SAFB: variants seen among roughly 807,000 people sequenced by gnomAD.
SAFB encodes the protein scaffold attachment factor B, also known as scaffold attachment factor B1.
SAFB carries 15 observed loss-of-function variants against 101.6 expected under a neutral mutation model. The observed-to-expected ratio is 0.15, with a 90% CI of 0.10 to 0.23. SAFB has a LOEUF of 0.23. SAFB is among the 10% of genes least tolerant of loss of function. The pLI is 1.00. For missense variants in SAFB, 930 were observed against 1,104.1 expected (o/e 0.84, Z 2.23); for synonymous variants, 449 against 407.5 (o/e 1.10, Z -1.23).
chr19:5,639,221 G>A (rs555840092), intron 2 of SAFB, among the ~76,000 whole-genome samples: 9 of 152,260 alleles, frequency 5.9e-5, no homozygotes, highest in African/African-American at 2.2e-4. Context: ...GTTTCCAAAT[G>A]GGACAACTAT....
chr19:5,659,666 C>G (rs919112405), intron 14 of SAFB, among the ~76,000 whole-genome samples: 57 of 151,958 alleles, frequency 3.8e-4, no homozygotes, highest in African/African-American at 1.4e-3. Context: ...CAGGCGTGAG[C>G]CACTGCGCCC....
At chr19:5,641,175 TTTTTC>T (rs1599339794) in intron 2 of SAFB, among the ~76,000 whole-genome samples, 5 of 152,140 alleles carry the variant, frequency 3.3e-5, no homozygotes. Context: ...CGGCCCTTCT[TTTTTC>T]TTTTTAAGCA....
At position 5,641,779 on chromosome 19, in the gene SAFB, G is replaced by A. The variant is rs773063351; in HGVS notation, c.379G>A (p.Asp127Asn). The A allele has an allele frequency of 3.7e-6, 6 of 1,614,038 alleles. No homozygotes were observed. Among genetic ancestry groups the A allele is most frequent in the Non-Finnish European group, 4.2e-6 (5 of 1,180,020 alleles). ...ETSLENLQDI[D>N]IMDISVLDEA... ...CAGTCTGGAGAACTTGCAGGACATC[G>A]ACATCATGGATATCAGTGTGTTGGA... Residue 127 changes from aspartate to asparagine, a missense_variant, in exon 4 of 21, where the codon GAC (aspartate) becomes AAC (asparagine). Asp to Asn is a conservative substitution (Grantham distance 23). Around this residue, in one of 7 missense-constraint regions of SAFB, gnomAD observed 119 missense variants for 171.4 expected, o/e 0.69. Transcript: ENST00000588852.
At chr19:5,661,891 T>A (rs2054216050) in intron 15 of SAFB, 83 bp downstream of exon 15, 18 of 1,082,218 alleles carry the variant, frequency 1.7e-5, no homozygotes, top group Middle Eastern at 4.2e-4. Context: ...TGAGATTTTT[T>A]TTTTTTTTTT....
chr19:5,649,991 G>T lies in SAFB; in HGVS notation c.1198+16G>T, dbSNP rs376208567. ...GAGGAAAAGGGTAGGTCACCTCGGC[G>T]ACACCAGTCCCTTGGAGCATGTATG... On this transcript the variant is annotated intron_variant, in intron 8 of 20. Coordinates refer to ENST00000588852, the MANE Select transcript of SAFB (RefSeq NM_001201338.2). The T allele has an allele frequency of 7.5e-6, 12 of 1,607,226 alleles. No homozygotes were observed. The highest frequency in any genetic ancestry group is 2.7e-5 in the African/African-American group (2 of 74,740).
intron 1 of SAFB, among the ~76,000 whole-genome samples, chr19:5,625,834 T>TCGGATGAGGTA (rs2053346000): frequency 6.6e-6 from 1 of 152,004 alleles, no homozygotes; most frequent in Non-Finnish European, 1.5e-5. Context: ...ATGATGGGGA[T>TCGGATGAGGTA]CGGATGAGGT....
chr19:5,668,004 G>C, intron 20 of SAFB, 118 bp downstream of exon 20: 6 of 1,418,798 alleles, frequency 4.2e-6, no homozygotes, highest in Non-Finnish European at 5.7e-6. Context: ...GTGACGTGAG[G>C]CCAGGCATGG....
In SAFB at chr19:5,641,646, T is replaced by C; in HGVS notation, c.327T>C (p.Ser109=). 2 of 1,613,934 alleles carry C rather than the reference T, an allele frequency of 1.2e-6. No individual in the cohort carries two copies. Among genetic ancestry groups the C allele is most frequent in the East Asian group, 2.2e-5 (1 of 44,870 alleles). Reference sequence around the variant, plus strand: ...AAGATAACGGGCTGGAGGAAAACTCTGGGGATGGACAGGTATGTGCAGCCT... The same window carrying C: ...AAGATAACGGGCTGGAGGAAAACTCCGGGGATGGACAGGTATGTGCAGCCT... The part of the protein sequence containing the change: ...GVEDNGLEEN[S]GDGQEDVETS... Residue 109 remains serine, a synonymous_variant, in exon 3 of 21, where the codon TCT becomes TCC. Transcript: ENST00000588852.
Position 5,668,272 on chromosome 19 carries a change from G to T in SAFB, c.2735G>T (p.Arg912Leu). ...CGGGGGAGCAGGCCCAGCGATGCCC[G>T]CTTCACTCGCCGCTACTGAGTACTT... ...QSRGSRPSDARFTRRY is the reference protein window; with the variant it reads ...QSRGSRPSDALFTRRY The change falls in exon 21 of 21, where the codon CGC (arginine) becomes CTC (leucine). Residue 912 changes from arginine (R) to leucine (L), a missense_variant. Around this residue, in one of 7 missense-constraint regions of SAFB, gnomAD observed 318 missense variants for 342.6 expected, o/e 0.93. Coordinates refer to ENST00000588852, the MANE Select transcript of SAFB (RefSeq NM_001201338.2). The T allele has an allele frequency of 6.2e-7, 1 of 1,611,834 alleles. No individual in the cohort carries two copies. The highest frequency in any genetic ancestry group is 8.5e-7 in the Non-Finnish European group (1 of 1,179,570).
In SAFB at chr19:5,667,260, G is replaced by A. The variant is rs982612554; in HGVS notation, c.2454-87G>A. ...GTGGGCACAGGGTGGGAAACACAGA[G>A]GGATTCACTCTCCAGAAGCCGCCAC... On this transcript the variant is annotated intron_variant, in intron 18 of 20. Transcript: ENST00000588852. The surrounding 1 kb of genome is among the most constrained non-coding windows in gnomAD (Gnocchi z 4.0). 1.6e-3 allele frequency: 2,008 copies of A among 1,263,104 alleles called. 5 individuals carry two copies. Among genetic ancestry groups the A allele is most frequent in the Non-Finnish European group, 2.1e-3 (1,939 of 921,008 alleles). 78.2% of individuals were successfully genotyped at this position (1,263,104 alleles called of 1,614,324 possible).
At position 5,664,093 on chromosome 19, in the gene SAFB, G is replaced by A. The variant is rs138286283; in HGVS notation, c.2225G>A (p.Arg742His). 24 of 1,613,874 alleles carry A rather than the reference G, an allele frequency of 1.5e-5. No homozygotes were observed. The highest frequency in any genetic ancestry group is 4.0e-5 in the African/African-American group (3 of 74,928). The change falls in exon 16 of 21, where the codon CGC becomes CAC. Residue 742 changes from arginine to histidine, a missense_variant. By Grantham distance (29) the Arg-to-His change is conservative. Around this residue, in one of 7 missense-constraint regions of SAFB, gnomAD observed 318 missense variants for 342.6 expected, o/e 0.93. Coordinates refer to ENST00000588852, the MANE Select transcript of SAFB (RefSeq NM_001201338.2). ...GAGCGCTACCATTCTGACTTTAACC[G>A]CCAGGACCGCTTCCACGACTTTGAC... Reference protein sequence around the residue: ...LDERYHSDFNRQDRFHDFDHR... With the variant: ...LDERYHSDFNHQDRFHDFDHR...
At chr19:5,637,396 G>C (rs1280027375) in intron 2 of SAFB, among the ~76,000 whole-genome samples, 1 of 151,202 alleles carries the variant, frequency 6.6e-6, no homozygotes, top group African/African-American at 2.4e-5. Flanking sequence ...ACTCGTGCCT[G>C]TAATCCCAGC....
intron 2 of SAFB, among the ~76,000 whole-genome samples, chr19:5,628,203 A>G (rs1483630612): frequency 6.6e-6 from 1 of 152,116 alleles, no homozygotes; most frequent in Non-Finnish European, 1.5e-5. Context: ...CTGAGCCCAG[A>G]TCGCACCACT....
chr19:5,630,091 T>C (rs1351878565), intron 2 of SAFB, among the ~76,000 whole-genome samples: 3 of 152,198 alleles, frequency 2.0e-5, no homozygotes, highest in Non-Finnish European at 4.4e-5. Flanking sequence ...CTACCAACAA[T>C]GGGTGACGGT....
chr19:5,651,058 A>G lies in SAFB; in HGVS notation c.1279A>G (p.Ser427Gly). Residue 427 changes from serine (S) to glycine (G), a missense_variant, in exon 9 of 21, where the codon AGC becomes GGC. By Grantham distance (56) the Ser-to-Gly change is moderately conservative. This residue lies in a region of SAFB where 68 missense variants were observed against 122.1 expected (regional missense o/e 0.56). Transcript: ENST00000588852. Reference sequence around the variant, plus strand: ...AGCTACAGATTTGAAGAATCTTTTCAGCAAATATGGGAAGGTAAGTGCCAG... The same window carrying G: ...AGCTACAGATTTGAAGAATCTTTTCGGCAAATATGGGAAGGTAAGTGCCAG... The part of the protein sequence containing the change: ...TRATDLKNLF[S>G]KYGKVVGAKV... The G allele has an allele frequency of 1.9e-6, 3 of 1,605,126 alleles. No homozygotes were observed. Among genetic ancestry groups the G allele is most frequent in the Non-Finnish European group, 2.6e-6 (3 of 1,174,264 alleles).
chr19:5,641,746 G>A lies in SAFB; in HGVS notation c.346G>A (p.Val116Ile). Reference protein sequence around the residue: ...EENSGDGQEDVETSLENLQDI... With the variant: ...EENSGDGQEDIETSLENLQDI... ...CGGTCTGGTTGTGTCACAGGAGGATGTTGAGACCAGTCTGGAGAACTTGCA... is the reference window on the plus strand; with the variant it reads ...CGGTCTGGTTGTGTCACAGGAGGATATTGAGACCAGTCTGGAGAACTTGCA... Residue 116 changes from valine to isoleucine, a missense_variant, in exon 4 of 21, where the codon GTT (valine) becomes ATT (isoleucine). By Grantham distance (29) the Val-to-Ile change is conservative. Around this residue, in one of 7 missense-constraint regions of SAFB, gnomAD observed 119 missense variants for 171.4 expected, o/e 0.69. Transcript: ENST00000588852. The A allele has an allele frequency of 6.2e-7, 1 of 1,614,138 alleles. No individual in the cohort carries two copies. Among genetic ancestry groups the A allele is most frequent in the Non-Finnish European group, 8.5e-7 (1 of 1,179,994 alleles).
At chr19:5,638,099 A>C (rs1331388129) in intron 2 of SAFB, among the ~76,000 whole-genome samples, 1 of 152,194 alleles carries the variant, frequency 6.6e-6, no homozygotes, top group African/African-American at 2.4e-5. Flanking sequence ...TGACTATATA[A>C]ATACTGCTGT....
At chr19:5,640,016 G>C (rs946208087) in intron 2 of SAFB, among the ~76,000 whole-genome samples, 1 of 151,446 alleles carries the variant, frequency 6.6e-6, no homozygotes, top group East Asian at 2.0e-4. Flanking sequence ...TTTGTTTTTT[G>C]TTTTTTTGGT....
chr19:5,626,479 G>A lies in SAFB; in HGVS notation c.264G>A (p.Arg88=), dbSNP rs774474447. 1.1e-4 allele frequency: 168 copies of A among 1,594,716 alleles called. No homozygotes were observed. Among genetic ancestry groups the A allele is most frequent in the Non-Finnish European group, 1.4e-4 (163 of 1,162,624 alleles). Residue 88 remains arginine, a synonymous_variant, in exon 2 of 21, where the codon AGG becomes AGA. Transcript: ENST00000588852. ...AGGGAAACAAGAAAACATCAAAGAGGTCTAGCAAAGGTATGGAGGATTTCA... is the reference window on the plus strand; with the variant it reads ...AGGGAAACAAGAAAACATCAAAGAGATCTAGCAAAGGTATGGAGGATTTCA... ...TSEGNKKTSK[R]SSKGRKPEEE...
Sources: gnomAD v4.1 joint callset for allele counts (sites outside exome capture counted in the v4.1 genomes callset) on GRCh38, gnomAD v4.1.1 for gene constraint, gnomAD v4.1.1 regional missense constraint, Gnocchi (gnomAD v3.1) non-coding constraint, MANE v1.5 for transcripts, NCBI Gene and HGNC (gene_info 2026-07-23, HGNC 2026-07-21) for gene names.